The following SAGE1 variants were observed in gnomAD, a reference collection of about 807,000 sequenced individuals.
SAGE1 encodes cancer/testis antigen 14.
SAGE1 carries 55 observed loss-of-function variants against 55.4 expected under a neutral mutation model. The ratio of observed to expected loss-of-function variants is 0.99; its 90% CI spans 0.80 to 1.24. SAGE1 has a LOEUF of 1.24. Ranked by LOEUF, SAGE1 falls within the 50% of genes most tolerant of loss-of-function variation. The pLI, the probability that SAGE1 is intolerant of heterozygous loss-of-function variation, is 0.00. For missense variants in SAGE1, 710 were observed against 704.4 expected (o/e 1.01, Z -0.09); for synonymous variants, 240 against 244.3 (o/e 0.98, Z 0.17).
chrX:135,901,003 C>T (rs1285379328), intron 2 of SAGE1, among the ~76,000 whole-genome samples: 7 of 108,318 alleles, frequency 6.5e-5, no homozygotes, highest in African/African-American at 2.4e-4. Context: ...AATAGCCGGG[C>T]GTGGTGGCGG....
At chrX:135,909,075 T>G in intron 13 of SAGE1, 71 bp downstream of exon 13, 1 of 1,002,110 alleles carries the variant, frequency 1.0e-6, no homozygotes, top group Non-Finnish European at 1.4e-6. Context: ...GAAGGGTAGA[T>G]GTGGTTTTGT....
In SAGE1 at chrX:135,901,603, A is replaced by G; in HGVS notation, c.132A>G (p.Gln44=). 8.3e-7 allele frequency: 1 copy of G among 1,209,152 alleles called. No individual in the cohort carries two copies. Among genetic ancestry groups the G allele is most frequent in the Non-Finnish European group, 1.1e-6 (1 of 893,178 alleles). ...TAAATCTGGTTGCAACAGGGCATCA[A>G]AGCAAAAAGAAACATTCCAGAAAAT... ...DEVNLVATGH[Q]SKKKHSRKSK... is the part of the protein sequence containing the mutation. Residue 44 remains glutamine (Q), a synonymous_variant, in exon 3 of 20, where the codon CAA becomes CAG. Transcript: ENST00000370709.
Position 135,907,055 on chromosome X carries a change from C to T in SAGE1, c.866C>T (p.Thr289Ile). 1 of 1,208,415 alleles carries T rather than the reference C, an allele frequency of 8.3e-7. No homozygotes were observed. The highest frequency in any genetic ancestry group is 1.1e-6 in the Non-Finnish European group (1 of 893,644). The stretch of plus-strand genomic sequence containing the variant: ...GGAGCTGGTACTCCAGCCATCAGCA[C>T]CAATGGCCTGTGTATGTTTGCTTGT... ...VAGAGTPAISTNGLYSTVPHN... is the reference protein window; with the variant it reads ...VAGAGTPAISINGLYSTVPHN... Residue 289 changes from threonine (T) to isoleucine (I), a missense_variant, in exon 8 of 20, where the codon ACC becomes ATC. Transcript: ENST00000370709.
intron 5 of SAGE1, 67 bp downstream of exon 5, chrX:135,905,459 T>C (rs1222026335): frequency 9.4e-7 from 1 of 1,060,623 alleles, no homozygotes. Context: ...TCATGAAAGG[T>C]AGAAGTCACT....
Position 135,912,451 on chromosome X carries a change from A to G in SAGE1, c.2615+37A>G, listed in dbSNP as rs782066357. ...AAGGAACTGTGCTATTGTTTTAAGC[A>G]CTTGCGCCCAATTTGGGACAGGGGC... On this transcript the variant is annotated intron_variant, in intron 19 of 19. Transcript: ENST00000370709. The G allele has an allele frequency of 1.1e-5, 13 of 1,192,022 alleles. No homozygotes were observed. The South Asian group carries it at 2.4e-4, about 22-fold the overall frequency.
intron 13 of SAGE1, 96 bp downstream of exon 13, chrX:135,909,100 T>A: frequency 2.5e-6 from 2 of 810,822 alleles, no homozygotes; most frequent in Non-Finnish European, 1.8e-6. Flanking sequence ...TATTCTTTCC[T>A]AACCTCAATT....
At chrX:135,905,507 T>C (rs2088771010) in intron 5 of SAGE1, 115 bp downstream of exon 5, 4 of 705,133 alleles carry the variant, frequency 5.7e-6, no homozygotes, top group Non-Finnish European at 8.2e-6. Flanking sequence ...ATTTGAGGGG[T>C]CTCAGATGGC....
chrX:135,909,702 A>G lies in SAGE1; in HGVS notation c.1646A>G (p.Tyr549Cys), dbSNP rs782501220. 5.8e-6 allele frequency: 7 copies of G among 1,203,737 alleles called. No individual in the cohort carries two copies. In the South Asian group the frequency reaches 1.1e-4, roughly 18 times the overall value. ...RMENNQPQPS[Y>C]DLSTVLPGLT... The stretch of plus-strand genomic sequence containing the variant: ...GAAAATAACCAACCACAACCTAGTT[A>G]TGACTTGTCAACTGTTCTACCAGGA... The change falls in exon 14 of 20, where the codon TAT (tyrosine) becomes TGT (cysteine). Residue 549 changes from tyrosine to cysteine, a missense_variant. By Grantham distance (194) the Tyr-to-Cys change is radical. Coordinates refer to ENST00000370709, the MANE Select transcript of SAGE1 (RefSeq NM_001381902.1).
chrX:135,901,141 TAAAAAAAAA>T (rs10604197), intron 2 of SAGE1, among the ~76,000 whole-genome samples: 14 of 48,825 alleles, frequency 2.9e-4, no homozygotes, highest in Non-Finnish European at 4.6e-4. Context: ...AGACTCCGTC[TAAAAAAAAA>T]AAAAAAAAAA....
Position 135,896,295 on chromosome X carries a change from A to T in SAGE1, c.53A>T (p.His18Leu), listed in dbSNP as rs148375834. 4.1e-6 allele frequency: 5 copies of T among 1,204,901 alleles called. No individual in the cohort carries two copies. In the South Asian group the frequency reaches 7.1e-5, roughly 17 times the overall value. The change falls in exon 2 of 20, where the codon CAT becomes CTT. Residue 18 changes from histidine to leucine, a missense_variant. By Grantham distance (99) the His-to-Leu change is moderately conservative. Transcript: ENST00000370709. ...CAACCAACTCCACCTGAAGAACTTC[A>T]TGCTGCTGCCTATGTGTTTACAAAT... ...TSQPTPPEEL[H>L]AAAYVFTNDG...
At chrX:135,907,171 A>G in intron 8 of SAGE1, 105 bp downstream of exon 8, 10 of 1,044,349 alleles carry the variant, frequency 9.6e-6, no homozygotes, top group Admixed American at 2.6e-5. Flanking sequence ...CTTGAGCTCA[A>G]TTTGAGGGGT....
intron 3 of SAGE1, among the ~76,000 whole-genome samples, chrX:135,902,587 TA>T (rs1936208266): frequency 1.8e-5 from 2 of 112,244 alleles, no homozygotes; most frequent in South Asian, 7.4e-4. Context: ...CACCATGGCC[TA>T]GTTCAAGCTG....
Position 135,909,961 on chromosome X carries a change from G to A in SAGE1, c.1724-69G>A, listed in dbSNP as rs879996628. 1.5e-5 allele frequency: 16 copies of A among 1,092,784 alleles called. 1 individual carries two copies. The South Asian group carries it at 3.3e-4, about 23-fold the overall frequency. 90.1% of individuals were successfully genotyped at this position (1,092,784 alleles called of 1,213,427 possible). A position where few individuals can be genotyped will look rare whatever the true frequency, so the allele number is the denominator to read the frequency against. ...ATACTTTTCTAGAAGCTGAGCATCA[G>A]GAAGATATACCTGTGGGGTTGACAT... On this transcript the variant is annotated intron_variant, in intron 14 of 19. Transcript: ENST00000370709.
rs1307685464 is a variant in SAGE1, at chrX:135,908,536, G to A, written c.1360G>A (p.Asp454Asn). The A allele has an allele frequency of 1.2e-5, 15 of 1,206,461 alleles. No individual in the cohort carries two copies. Among genetic ancestry groups the A allele is most frequent in the Admixed American group, 2.2e-5 (1 of 45,323 alleles). ...ARMENGQRKQ[D>N]NVLSNVLSGL... ...GATGGAAAATGGCCAACGAAAACAG[G>A]ATAACGTCTTGTCAAATGTTCTATC... Residue 454 changes from aspartate (D) to asparagine (N), a missense_variant, in exon 12 of 20, where the codon GAT becomes AAT. Transcript: ENST00000370709.
intron 5 of SAGE1, among the ~76,000 whole-genome samples, chrX:135,905,763 CCT>C (rs2088775560): frequency 8.9e-6 from 1 of 112,148 alleles, no homozygotes; most frequent in African/African-American, 3.2e-5. Context: ...ATATTCCACC[CCT>C]GAGTACCAGG....
At chrX:135,907,973 T>G in intron 10 of SAGE1, 116 bp from the exon 11 acceptor site, 1 of 1,052,661 alleles carries the variant, frequency 9.5e-7, no homozygotes, top group Non-Finnish European at 1.3e-6. Flanking sequence ...TGCTCCCTGG[T>G]ATATCCTAGT....
chrX:135,901,462 A>T, intron 2 of SAGE1, 97 bp from the exon 3 acceptor site: 1 of 820,219 alleles, frequency 1.2e-6, no homozygotes, highest in South Asian at 2.8e-5. Context: ...AACTTACATT[A>T]ATGATATAAA....
At chrX:135,910,761 T>A (rs782600780) in intron 16 of SAGE1, among the ~76,000 whole-genome samples, 1 of 111,769 alleles carries the variant, frequency 8.9e-6, no homozygotes, top group Admixed American at 9.6e-5. Flanking sequence ...GGGGTTGACA[T>A]AATGCACTTA....
At chrX:135,896,496 AG>A (rs2088586779) in intron 2 of SAGE1, among the ~76,000 whole-genome samples, 167 bp downstream of exon 2, 1 of 111,629 alleles carries the variant, frequency 9.0e-6, no homozygotes, top group Non-Finnish European at 1.9e-5. Flanking sequence ...TTTTGATCCA[AG>A]AGTGGATTGG....
Sources: gnomAD v4.1 joint callset for allele counts (sites outside exome capture counted in the v4.1 genomes callset) on GRCh38, gnomAD v4.1.1 for gene constraint, MANE v1.5 for transcripts, NCBI Gene and HGNC (gene_info 2026-07-23, HGNC 2026-07-21) for gene names.